The following CDC42BPB variants were observed in gnomAD, a reference collection of about 807,000 sequenced individuals.
The protein encoded by CDC42BPB is CDC42 binding protein kinase beta, also known as serine/threonine-protein kinase MRCK beta.
Under a neutral mutation model 214.9 loss-of-function variants are expected in CDC42BPB, and 37 were observed. The observed-to-expected ratio is 0.17, with a 90% CI of 0.13 to 0.23. The LOEUF (loss-of-function observed/expected upper bound fraction) is 0.23. Ranked by LOEUF, CDC42BPB falls within the 10% of genes least tolerant of loss-of-function variation. The pLI, the probability that CDC42BPB is intolerant of heterozygous loss-of-function variation, is 1.00. For synonymous variants in CDC42BPB, 931 were observed against 884.0 expected, an observed-to-expected ratio of 1.05 and a Z score of -0.94; for missense variants, 1,694 against 2,227.0, an observed-to-expected ratio of 0.76 and a Z score of 4.82.
Position 102,932,900 on chromosome 14 carries a change from G to C in CDC42BPB, c.*812C>G, listed in dbSNP as rs1891457668. 1 of 138,448 alleles carries C rather than the reference G, an allele frequency of 7.2e-6. No individual in the cohort carries two copies. Among genetic ancestry groups the C allele is most frequent in the Non-Finnish European group, 1.6e-5 (1 of 63,052 alleles). The allele number at this position is 138,448 out of a possible 1,614,324, so 8.6% of individuals were successfully genotyped here. On this transcript the variant is annotated 3_prime_UTR_variant, in exon 37 of 37. Transcript: ENST00000361246. ...TGGGGGGGGGGGCGGGCAGGGCGGG[G>C]CGGGGTGGGGTATCCCAGTGGCTGC...
chr14:103,005,254 T>A (rs933008121), intron 3 of CDC42BPB, among the ~76,000 whole-genome samples: 1 of 152,092 alleles, frequency 6.6e-6, no homozygotes, highest in Non-Finnish European at 1.5e-5. Flanking sequence ...TCAAACTGTC[T>A]TACATTTGAA....
At chr14:102,977,195 C>T (rs1165745832) in intron 9 of CDC42BPB, among the ~76,000 whole-genome samples, 1 of 151,942 alleles carries the variant, frequency 6.6e-6, no homozygotes, top group Non-Finnish European at 1.5e-5. Context: ...AAAAATTAGT[C>T]GGGCGTGGTG....
chr14:102,996,335 G>A (rs12889010), intron 5 of CDC42BPB, among the ~76,000 whole-genome samples: 52,380 of 151,930 alleles, frequency 0.34, 10,423 homozygotes, highest in East Asian at 0.47. Flanking sequence ...GCAAGACTCC[G>A]TCTCAAAAAA....
At chr14:103,048,784 G>C (rs569174454) in intron 1 of CDC42BPB, among the ~76,000 whole-genome samples, 60 of 151,080 alleles carry the variant, frequency 4.0e-4, no homozygotes, top group Non-Finnish European at 7.4e-4. Context: ...TGAGGCAGGA[G>C]AATCACTTGA....
At chr14:103,053,434 T>C (rs987861795) in intron 1 of CDC42BPB, among the ~76,000 whole-genome samples, 2 of 151,468 alleles carry the variant, frequency 1.3e-5, no homozygotes, top group South Asian at 2.1e-4. Context: ...AATCAAGCTA[T>C]AGGAAAATTA....
chr14:103,053,521 G>A (rs1306192699), intron 1 of CDC42BPB, among the ~76,000 whole-genome samples: 9 of 151,636 alleles, frequency 5.9e-5, no homozygotes, highest in Admixed American at 2.0e-4. Flanking sequence ...AAGAACTTTG[G>A]GAGGCCAAGG....
In CDC42BPB at chr14:102,964,547, T is replaced by C. The variant is rs1226743911; in HGVS notation, c.2681A>G (p.Gln894Arg). Residue 894 changes from glutamine to arginine, a missense_variant, in exon 19 of 37, where the codon CAG (glutamine) becomes CGG (arginine). Coordinates refer to ENST00000361246, the MANE Select transcript of CDC42BPB (RefSeq NM_006035.4). The part of the protein sequence containing the change: ...EAEIRAKQLV[Q>R]EELRKVKDAN... ...GTCCTTGACCTTCCTGAGCTCCTCC[T>C]GGACAAGCTGCTTGGCCCGGATCTC... The C allele has an allele frequency of 1.2e-6, 2 of 1,613,930 alleles. No individual in the cohort carries two copies. Among genetic ancestry groups the C allele is most frequent in the Non-Finnish European group, 1.7e-6 (2 of 1,180,008 alleles).
chr14:102,953,868 A>T (rs1486338914), intron 23 of CDC42BPB, among the ~76,000 whole-genome samples: 2 of 152,210 alleles, frequency 1.3e-5, no homozygotes, highest in Non-Finnish European at 2.9e-5. Flanking sequence ...AATGAAAATC[A>T]ATGTGGAGAA....
chr14:102,941,283 G>A (rs904692370), intron 30 of CDC42BPB: 17 of 985,348 alleles, frequency 1.7e-5, no homozygotes, highest in Non-Finnish European at 2.0e-5. Flanking sequence ...TGCCTCCGGA[G>A]TTCAAGGTTA....
chr14:102,932,715 G>C lies in CDC42BPB; in HGVS notation c.*997C>G, dbSNP rs985029233. On this transcript the variant is annotated 3_prime_UTR_variant, in exon 37 of 37. Coordinates refer to ENST00000361246, the MANE Select transcript of CDC42BPB (RefSeq NM_006035.4). ...AAGCCTCTGACGACACAGGGCCACAGAGCTGGTCACTCAACATCTGGTACA... is the reference window on the plus strand; with the variant it reads ...AAGCCTCTGACGACACAGGGCCACACAGCTGGTCACTCAACATCTGGTACA... 6.6e-6 allele frequency: 1 copy of C among 152,566 alleles called. No homozygotes were observed. The highest frequency in any genetic ancestry group is 2.1e-4 in the South Asian group (1 of 4,826). The allele number at this position is 152,566 out of a possible 1,614,324, so 9.5% of individuals were successfully genotyped here.
At chr14:102,984,896 T>C (rs1311076897) in intron 6 of CDC42BPB, among the ~76,000 whole-genome samples, 2 of 152,200 alleles carry the variant, frequency 1.3e-5, no homozygotes, top group East Asian at 1.9e-4. Flanking sequence ...CCTGCACGAG[T>C]GCGTGGCCAG....
chr14:103,048,272 G>A (rs569870660), intron 1 of CDC42BPB, among the ~76,000 whole-genome samples: 154 of 152,072 alleles, frequency 1.0e-3, no homozygotes, highest in African/African-American at 3.4e-3. Flanking sequence ...GGCCGGGAGC[G>A]GTGGCTCACT....
intron 5 of CDC42BPB, among the ~76,000 whole-genome samples, chr14:102,989,238 A>G (rs1018611606): frequency 6.6e-6 from 1 of 152,230 alleles, no homozygotes; most frequent in African/African-American, 2.4e-5. Flanking sequence ...CAAAAATACA[A>G]AAGTCTGAAA....
chr14:102,972,168 A>G lies in CDC42BPB; in HGVS notation c.1642-7T>C, dbSNP rs536578504. Reference sequence around the variant, plus strand: ...CTGAGGCTTCAACCAGTTGCTGAACAAAAACAATTATAGATGTTTTACGTT... The same window carrying G: ...CTGAGGCTTCAACCAGTTGCTGAACGAAAACAATTATAGATGTTTTACGTT... On this transcript the variant is annotated splice_polypyrimidine_tract_variant and splice_region_variant and intron_variant, in intron 12 of 36. Coordinates refer to ENST00000361246, the MANE Select transcript of CDC42BPB (RefSeq NM_006035.4). The G allele has an allele frequency of 3.1e-6, 5 of 1,612,954 alleles. No individual in the cohort carries two copies. In the South Asian group the frequency reaches 5.5e-5, roughly 18 times the overall value.
intron 16 of CDC42BPB, chr14:102,967,475 G>T: frequency 2.2e-6 from 1 of 444,766 alleles, no homozygotes; most frequent in Non-Finnish European, 3.0e-6. Flanking sequence ...AATTAAAACA[G>T]TCACGTGTAG....
intron 1 of CDC42BPB, among the ~76,000 whole-genome samples, chr14:103,030,277 A>AT (rs1887293090): frequency 6.6e-6 from 1 of 152,262 alleles, no homozygotes; most frequent in African/African-American, 2.4e-5. Context: ...TTTTTAAAAC[A>AT]TTTAAGAATG....
chr14:102,979,274 C>T (rs1057289863), intron 8 of CDC42BPB, among the ~76,000 whole-genome samples: 2 of 149,898 alleles, frequency 1.3e-5, no homozygotes, highest in Non-Finnish European at 3.0e-5. Context: ...AGTGCAGTGG[C>T]GTATTCTCAG....
intron 36 of CDC42BPB, 133 bp downstream of exon 36, chr14:102,937,968 GCCC>G (rs1324720210): frequency 6.6e-6 from 6 of 909,124 alleles, no homozygotes; most frequent in Middle Eastern, 3.2e-4. Flanking sequence ...CCCGACCCCT[GCCC>G]CCGTCACCCT....
In CDC42BPB at chr14:103,038,258, C is replaced by G. The variant is rs549392238; in HGVS notation, c.175+18741G>C. Among the ~76,000 whole-genome samples, 12 of 147,024 alleles carry G rather than the reference C, an allele frequency of 8.2e-5. 1 individual carries two copies. The highest frequency in any genetic ancestry group is 2.5e-4 in the African/African-American group (10 of 40,040). The stretch of plus-strand genomic sequence containing the variant: ...GCTGAGGCAGGAGAATAGCGTGAAC[C>G]TGGGAGGAGGCGGAGCTTGCAGTGA... On this transcript the variant is annotated intron_variant, in intron 1 of 36. Transcript: ENST00000361246.
Sources: allele counts gnomAD v4.1 joint callset (sites outside exome capture counted in the v4.1 genomes callset), GRCh38; gene constraint gnomAD v4.1.1; transcripts MANE v1.5; gene names NCBI Gene and HGNC (gene_info 2026-07-23, HGNC 2026-07-21).